Variants in KRTAP10-11 observed in about 807,000 individuals in gnomAD.
KRTAP10-11 encodes the protein keratin-associated protein 10-11.
For missense variants in KRTAP10-11, 401 were observed against 378.8 expected, an observed-to-expected ratio of 1.06 and a Z score of -0.49; for synonymous variants, 188 against 161.1, an observed-to-expected ratio of 1.17 and a Z score of -1.27.
chr21:44,647,024 G>T lies in KRTAP10-11; in HGVS notation c.566G>T (p.Cys189Phe), dbSNP rs782238984. 6.2e-7 allele frequency: 1 copy of T among 1,612,740 alleles called. No individual in the cohort carries two copies. The highest frequency in any genetic ancestry group is 8.5e-7 in the Non-Finnish European group (1 of 1,179,708). Reference sequence around the variant, plus strand: ...TCCTCCTCCTACCAGCAGGCCTGCTGCGTGCCTGTCTGCTGCAAGACTGTC... The same window carrying T: ...TCCTCCTCCTACCAGCAGGCCTGCTTCGTGCCTGTCTGCTGCAAGACTGTC... The part of the protein sequence containing the change: ...CTSSSYQQAC[C>F]VPVCCKTVYC... The change falls in exon 1 of 1, where the codon TGC (cysteine) becomes TTC (phenylalanine). Residue 189 changes from cysteine (C) to phenylalanine (F), a missense_variant. Coordinates refer to ENST00000334670, the MANE Select transcript of KRTAP10-11 (RefSeq NM_198692.3).
In KRTAP10-11 at chr21:44,646,518, C is replaced by T. The variant is rs782737269; in HGVS notation, c.60C>T (p.Asp20=). The change falls in exon 1 of 1, where the codon GAC becomes GAT. Residue 20 remains aspartate, a synonymous_variant. Transcript: ENST00000334670. ...CTTACTCCGACTCCTGGCAGGTGGA[C>T]GACTGCCCAGAGAGCTGCTGTGAGC... ...SSAYSDSWQV[D]DCPESCCEPP... 100 of 1,612,730 alleles carry T rather than the reference C, an allele frequency of 6.2e-5. No homozygotes were observed. The Admixed American group carries it at 9.8e-4, about 16-fold the overall frequency.
rs149442888 is a variant in KRTAP10-11, at chr21:44,646,637, C to A, written c.179C>A (p.Ala60Glu). Residue 60 changes from alanine to glutamate, a missense_variant, in exon 1 of 1, where the codon GCG becomes GAG. Transcript: ENST00000334670. ...VSCVSSPCCQ[A>E]ACEPSACQSG... ...TGTGTGTCCAGCCCCTGCTGCCAGG[C>A]GGCCTGTGAGCCCAGCGCCTGCCAA... 9 of 1,613,332 alleles carry A rather than the reference C, an allele frequency of 5.6e-6. No individual in the cohort carries two copies. Among genetic ancestry groups the A allele is most frequent in the Middle Eastern group, 1.8e-4 (1 of 5,546 alleles).
chr21:44,647,185 C>G lies in KRTAP10-11; in HGVS notation c.727C>G (p.Pro243Ala). ...CTCCTCTGTGTCCCTCCTCTGCCACCCCGTGTGCAGGTCCACCTGCTGTGT... is the reference window on the plus strand; with the variant it reads ...CTCCTCTGTGTCCCTCCTCTGCCACGCCGTGTGCAGGTCCACCTGCTGTGT... ...PSSSVSLLCH[P>A]VCRSTCCVPV... The change falls in exon 1 of 1, where the codon CCC becomes GCC. Residue 243 changes from proline (P) to alanine (A), a missense_variant. By Grantham distance (27) the Pro-to-Ala change is conservative. Coordinates refer to ENST00000334670, the MANE Select transcript of KRTAP10-11 (RefSeq NM_198692.3). 6.2e-7 allele frequency: 1 copy of G among 1,613,772 alleles called. No individual in the cohort carries two copies. Among genetic ancestry groups the G allele is most frequent in the East Asian group, 2.2e-5 (1 of 44,850 alleles).
In KRTAP10-11 at chr21:44,646,638, G is replaced by T. The variant is rs587631136; in HGVS notation, c.180G>T (p.Ala60=). 4 of 1,613,310 alleles carry T rather than the reference G, an allele frequency of 2.5e-6. No individual in the cohort carries two copies. The highest frequency in any genetic ancestry group is 3.4e-6 in the Non-Finnish European group (4 of 1,179,902). ...VSCVSSPCCQ[A]ACEPSACQSG... is the part of the protein sequence containing the mutation. ...GTGTGTCCAGCCCCTGCTGCCAGGC[G>T]GCCTGTGAGCCCAGCGCCTGCCAAT... The change falls in exon 1 of 1, where the codon GCG becomes GCT. Residue 60 remains alanine, a synonymous_variant. Coordinates refer to ENST00000334670, the MANE Select transcript of KRTAP10-11 (RefSeq NM_198692.3).
In KRTAP10-11 at chr21:44,647,235, C is replaced by T. The variant is rs587718659; in HGVS notation, c.777C>T (p.Pro259=). The change falls in exon 1 of 1, where the codon CCC becomes CCT. Residue 259 remains proline (P), a synonymous_variant. Coordinates refer to ENST00000334670, the MANE Select transcript of KRTAP10-11 (RefSeq NM_198692.3). ...TGCCCGTCTCCTCCTGCTGTGCCCC[C>T]ACCTCCTCCTGCCAGTCCAGCTGCT... ...CCVPVSSCCA[P]TSSCQSSCCR... is the part of the protein sequence containing the mutation. The T allele has an allele frequency of 4.6e-4, 744 of 1,605,126 alleles. 10 individuals are homozygous for T. The South Asian group carries it at 6.9e-3, about 15-fold the overall frequency.
Position 44,647,377 on chromosome 21 carries a change from C to T in KRTAP10-11, c.*22C>T, listed in dbSNP as rs782492153. 3.1e-6 allele frequency: 5 copies of T among 1,605,828 alleles called. No individual in the cohort carries two copies. The African/African-American group carries it at 5.3e-5, about 17-fold the overall frequency. ...CTGAGTGCTCAATCCTTGTCTCCTG[C>T]TGACTGTGTCTTTGCTGCCAAGCAG... On this transcript the variant is annotated 3_prime_UTR_variant, in exon 1 of 1. Coordinates refer to ENST00000334670, the MANE Select transcript of KRTAP10-11 (RefSeq NM_198692.3).
rs1888526 is a variant in KRTAP10-11, at chr21:44,646,689, G to A, written c.231G>A (p.Pro77=). The part of the protein sequence containing the change: ...CQSGCTSSCT[P]SCCQQSSCQP... Reference sequence around the variant, plus strand: ...CAGGCTGCACCAGCTCCTGCACGCCGTCATGCTGCCAGCAGTCTAGCTGCC... The same window carrying A: ...CAGGCTGCACCAGCTCCTGCACGCCATCATGCTGCCAGCAGTCTAGCTGCC... The change falls in exon 1 of 1, where the codon CCG becomes CCA. Residue 77 remains proline, a synonymous_variant. Coordinates refer to ENST00000334670, the MANE Select transcript of KRTAP10-11 (RefSeq NM_198692.3). 64 of 1,613,894 alleles carry A rather than the reference G, an allele frequency of 4.0e-5. No homozygotes were observed. Among genetic ancestry groups the A allele is most frequent in the African/African-American group, 1.5e-4 (11 of 74,860 alleles).
chr21:44,647,193 C>T lies in KRTAP10-11; in HGVS notation c.735C>T (p.Cys245=). The change falls in exon 1 of 1, where the codon TGC becomes TGT. Residue 245 remains cysteine (C), a synonymous_variant. Transcript: ENST00000334670. The part of the protein sequence containing the change: ...SSVSLLCHPV[C]RSTCCVPVSS... Reference sequence around the variant, plus strand: ...TGTCCCTCCTCTGCCACCCCGTGTGCAGGTCCACCTGCTGTGTGCCCGTCT... The same window carrying T: ...TGTCCCTCCTCTGCCACCCCGTGTGTAGGTCCACCTGCTGTGTGCCCGTCT... 1.1e-5 allele frequency: 18 copies of T among 1,613,996 alleles called. No individual in the cohort carries two copies. Among genetic ancestry groups the T allele is most frequent in the Non-Finnish European group, 1.5e-5 (18 of 1,179,990 alleles).
rs1448332731 is a variant in KRTAP10-11 at position 44,647,472 on chromosome 21, T to C, written c.*117T>C. ...GCTCCATCAGTAGCCACAGAGCTGC[T>C]GCCTGAAGGGGATTTTGAGCGCGTC... On this transcript the variant is annotated 3_prime_UTR_variant, in exon 1 of 1. Transcript: ENST00000334670. The C allele has an allele frequency of 4.9e-6, 6 of 1,229,730 alleles. No homozygotes were observed. The Admixed American group carries it at 1.6e-4, about 33-fold the overall frequency. The allele number at this position is 1,229,730 out of a possible 1,614,324, so 76.2% of individuals were successfully genotyped here.
At position 44,647,397 on chromosome 21, in the gene KRTAP10-11, A is replaced by T; in HGVS notation, c.*42A>T. On this transcript the variant is annotated 3_prime_UTR_variant, in exon 1 of 1. Transcript: ENST00000334670. The stretch of plus-strand genomic sequence containing the variant: ...TCCTGCTGACTGTGTCTTTGCTGCC[A>T]AGCAGGATTCTCCAGTCTCAGGAGC... The T allele has an allele frequency of 6.3e-7, 1 of 1,592,846 alleles. No homozygotes were observed.
At position 44,646,725 on chromosome 21, in the gene KRTAP10-11, C is replaced by T. The variant is rs782802389; in HGVS notation, c.267C>T (p.Cys89=). ...AGCAGTCTAGCTGCCAGCCGGCTTG[C>T]TGCACCTCCTCCCCCTGCCAGCAGG... is the stretch of plus-strand genomic sequence containing the variant. The part of the protein sequence containing the change: ...CCQQSSCQPA[C]CTSSPCQQAC... The change falls in exon 1 of 1, where the codon TGC becomes TGT. Residue 89 remains cysteine (C), a synonymous_variant. Coordinates refer to ENST00000334670, the MANE Select transcript of KRTAP10-11 (RefSeq NM_198692.3). 1.2e-6 allele frequency: 2 copies of T among 1,614,152 alleles called. No individual in the cohort carries two copies. Among genetic ancestry groups the T allele is most frequent in the Non-Finnish European group, 8.5e-7 (1 of 1,180,004 alleles).
chr21:44,646,791 G>A lies in KRTAP10-11; in HGVS notation c.333G>A (p.Lys111=), dbSNP rs948973905. 1 of 1,613,318 alleles carries A rather than the reference G, an allele frequency of 6.2e-7. No homozygotes were observed. The highest frequency in any genetic ancestry group is 1.3e-5 in the African/African-American group (1 of 74,794). Residue 111 remains lysine (K), a synonymous_variant, in exon 1 of 1, where the codon AAG becomes AAA. Transcript: ENST00000334670. ...VPVCCKTVCC[K]PVCCVPVCCG... ...TCTGCTGCAAGACTGTCTGCTGCAA[G>A]CCTGTGTGCTGTGTGCCTGTCTGCT...
rs377177017 is a variant in KRTAP10-11, at chr21:44,646,547, C to G, written c.89C>G (p.Pro30Arg). The G allele has an allele frequency of 7.3e-5, 118 of 1,612,606 alleles. No individual in the cohort carries two copies. Among genetic ancestry groups the G allele is most frequent in the Middle Eastern group, 2.1e-4 (1 of 4,864 alleles). ...TGCCCAGAGAGCTGCTGTGAGCCCCCCTGCAGCGCCCCCAGCTGCTGCGCC... is the reference window on the plus strand; with the variant it reads ...TGCCCAGAGAGCTGCTGTGAGCCCCGCTGCAGCGCCCCCAGCTGCTGCGCC... ...DDCPESCCEP[P>R]CSAPSCCAPA... Residue 30 changes from proline (P) to arginine (R), a missense_variant, in exon 1 of 1, where the codon CCC (proline) becomes CGC (arginine). Transcript: ENST00000334670.
rs781783829 is a variant in KRTAP10-11, at chr21:44,647,127, A to T, written c.669A>T (p.Pro223=). ...GCTGCCAGCAGCCTAGCTGCCAGCC[A>T]GCTTGCTGCACCACCTCCTGCTGCA... is the stretch of plus-strand genomic sequence containing the variant. ...SSRCQQPSCQ[P]ACCTTSCCRP... The change falls in exon 1 of 1, where the codon CCA becomes CCT. Residue 223 remains proline, a synonymous_variant. Coordinates refer to ENST00000334670, the MANE Select transcript of KRTAP10-11 (RefSeq NM_198692.3). 3.1e-6 allele frequency: 5 copies of T among 1,613,746 alleles called. No individual in the cohort carries two copies. The highest frequency in any genetic ancestry group is 4.2e-6 in the Non-Finnish European group (5 of 1,179,948).
rs1460633504 is a variant in KRTAP10-11 at position 44,647,144 on chromosome 21, C to T, written c.686C>T (p.Ser229Phe). The T allele has an allele frequency of 3.1e-6, 5 of 1,614,156 alleles. No homozygotes were observed. The highest frequency in any genetic ancestry group is 4.2e-6 in the Non-Finnish European group (5 of 1,180,018). The change falls in exon 1 of 1, where the codon TCC (serine) becomes TTC (phenylalanine). Residue 229 changes from serine to phenylalanine, a missense_variant. By Grantham distance (155) the Ser-to-Phe change is radical. Coordinates refer to ENST00000334670, the MANE Select transcript of KRTAP10-11 (RefSeq NM_198692.3). ...TGCCAGCCAGCTTGCTGCACCACCT[C>T]CTGCTGCAGACCCTCCTCCTCTGTG... is the stretch of plus-strand genomic sequence containing the variant. ...PSCQPACCTT[S>F]CCRPSSSVSL...
In KRTAP10-11 at chr21:44,646,572, C is replaced by T. The variant is rs781839369; in HGVS notation, c.114C>T (p.Ala38=). ...EPPCSAPSCC[A]PAPSLSLVCT... is the part of the protein sequence containing the mutation. ...CCTGCAGCGCCCCCAGCTGCTGCGC[C>T]CCGGCCCCCTCCCTGAGCCTGGTCT... Residue 38 remains alanine (A), a synonymous_variant, in exon 1 of 1, where the codon GCC becomes GCT. Coordinates refer to ENST00000334670, the MANE Select transcript of KRTAP10-11 (RefSeq NM_198692.3). The T allele has an allele frequency of 2.5e-6, 4 of 1,612,404 alleles. No individual in the cohort carries two copies. The South Asian group carries it at 3.3e-5, about 13-fold the overall frequency.
At chr21:44,647,082 C>A in the KRTAP10-11 span, 1 of 1,613,812 alleles carries the variant, frequency 6.2e-7, no homozygotes, top group Non-Finnish European at 8.5e-7. Context: ...TGCCTGTCTG[C>A]TCTAGGGCTT....
chr21:44,647,090 C>T lies in KRTAP10-11; in HGVS notation c.632C>T (p.Ala211Val). 6.2e-7 allele frequency: 1 copy of T among 1,613,136 alleles called. No individual in the cohort carries two copies. The highest frequency in any genetic ancestry group is 8.5e-7 in the Non-Finnish European group (1 of 1,179,688). ...TGCTGTGTGCCTGTCTGCTCTAGGG[C>T]TTCCTCTTCACGCTGCCAGCAGCCT... ...PICCVPVCSR[A>V]SSSRCQQPSC... The change falls in exon 1 of 1, where the codon GCT becomes GTT. Residue 211 changes from alanine (A) to valine (V), a missense_variant. Transcript: ENST00000334670.
At position 44,647,528 on chromosome 21, in the gene KRTAP10-11, C is replaced by A. The variant is rs1984514600; in HGVS notation, c.*173C>A. On this transcript the variant is annotated 3_prime_UTR_variant, in exon 1 of 1. Coordinates refer to ENST00000334670, the MANE Select transcript of KRTAP10-11 (RefSeq NM_198692.3). Reference sequence around the variant, plus strand: ...TTCCTCCCCACTGTCTGGGAAGAGACAACCCACAAATCCCTCAGCAGGTGG... The same window carrying A: ...TTCCTCCCCACTGTCTGGGAAGAGAAAACCCACAAATCCCTCAGCAGGTGG... 1.3e-6 allele frequency: 1 copy of A among 795,028 alleles called. No homozygotes were observed. Among genetic ancestry groups the A allele is most frequent in the Non-Finnish European group, 2.0e-6 (1 of 501,968 alleles). The allele number at this position is 795,028 out of a possible 1,614,324, so 49.2% of individuals were successfully genotyped here.
Sources: allele counts gnomAD v4.1 joint callset, GRCh38; gene constraint gnomAD v4.1.1; transcripts MANE v1.5; gene names NCBI Gene and HGNC (gene_info 2026-07-23, HGNC 2026-07-21).